Variants in CFAP77 observed in about 807,000 individuals in gnomAD.
The protein encoded by CFAP77 is cilia and flagella associated protein 77, also known as cilia- and flagella-associated protein 77.
CFAP77 carries 25 observed loss-of-function variants against 31.1 expected under a neutral mutation model. The observed-to-expected ratio is 0.80, with a 90% CI of 0.59 to 1.12. The LOEUF (loss-of-function observed/expected upper bound fraction) is 1.12. CFAP77 is among the 50% of genes most tolerant of loss of function. The pLI is 0.00. For missense variants in CFAP77, 377 were observed against 397.3 expected, an observed-to-expected ratio of 0.95 and a Z score of 0.44; for synonymous variants, 151 against 159.9, an observed-to-expected ratio of 0.94 and a Z score of 0.42.
chr9:132,558,069 G>T (rs548408880), intron 5 of CFAP77, among the ~76,000 whole-genome samples: 1 of 152,128 alleles, frequency 6.6e-6, no homozygotes, highest in African/African-American at 2.4e-5. Context: ...TGTAACAGAG[G>T]TTGGCCATCA....
intron 3 of CFAP77, among the ~76,000 whole-genome samples, chr9:132,525,946 A>T (rs1213262595): frequency 1.3e-5 from 2 of 152,094 alleles, no homozygotes; most frequent in Non-Finnish European, 2.9e-5. Context: ...ATGGAATTGG[A>T]TGTTCTTCTG....
intron 5 of CFAP77, among the ~76,000 whole-genome samples, chr9:132,550,782 C>T (rs559128688): frequency 1.1e-4 from 16 of 151,986 alleles, no homozygotes; most frequent in Non-Finnish European, 2.2e-4. Context: ...CTGGCCCCAG[C>T]GAGGTTGGTG....
Position 132,477,386 on chromosome 9 carries a change from A to C in CFAP77, c.196-21309A>C, listed in dbSNP as rs1008702600. On this transcript the variant is annotated intron_variant, in intron 1 of 5. Coordinates refer to ENST00000393216, the MANE Select transcript of CFAP77 (RefSeq NM_001282957.2). ...AGCGCAGTGAGCAAACCAGCCACCA[A>C]ACCCCATCCCACAGAGCTTGTTTTA... is the stretch of plus-strand genomic sequence containing the variant. Among the ~76,000 whole-genome samples the C allele has an allele frequency of 3.4e-3, 143 of 42,672 alleles. 1 individual carries two copies. The highest frequency in any genetic ancestry group is 0.013 in the African/African-American group (134 of 10,336). The allele number at this position is 42,672 out of a possible 152,430, so 28.0% of individuals were successfully genotyped here. A position where few individuals can be genotyped will look rare whatever the true frequency, so the allele number is the denominator to read the frequency against.
chr9:132,449,125 C>G (rs1338480234), intron 1 of CFAP77, among the ~76,000 whole-genome samples: 4 of 152,190 alleles, frequency 2.6e-5, no homozygotes, highest in African/African-American at 9.7e-5. Context: ...GTTCATGAAA[C>G]TATGATATTT....
chr9:132,568,556 CAAAAA>C (rs34754814), intron 5 of CFAP77, among the ~76,000 whole-genome samples: 1 of 90,054 alleles, frequency 1.1e-5, no homozygotes. Flanking sequence ...AACTCCGCCT[CAAAAA>C]AAAAAAAAAA....
rs1829976258 is a variant in CFAP77 at position 132,572,685 on chromosome 9, A to G, written c.*175A>G. ...TGGTAAAAGTCCCCCCTTTTAGGTT[A>G]GCCAACATTAGTCTCCACTTAGCCC... On this transcript the variant is annotated 3_prime_UTR_variant, in exon 6 of 6. Coordinates refer to ENST00000393216, the MANE Select transcript of CFAP77 (RefSeq NM_001282957.2). 14 of 644,866 alleles carry G rather than the reference A, an allele frequency of 2.2e-5. No homozygotes were observed. The highest frequency in any genetic ancestry group is 9.5e-5 in the Admixed American group (3 of 31,590). 39.9% of individuals were successfully genotyped at this position (644,866 alleles called of 1,614,324 possible). A position where few individuals can be genotyped will look rare whatever the true frequency, so the allele number is the denominator to read the frequency against.
intron 1 of CFAP77, among the ~76,000 whole-genome samples, chr9:132,425,855 G>A (rs532345128): frequency 6.6e-6 from 1 of 152,186 alleles, no homozygotes; most frequent in Non-Finnish European, 1.5e-5. Flanking sequence ...ACAGCCACAC[G>A]GTGTGTCCGT....
In CFAP77 at chr9:132,495,095, C is replaced by T. The variant is rs1325154844; in HGVS notation, c.196-3600C>T. Among the ~76,000 whole-genome samples, 2 of 152,130 alleles carry T rather than the reference C, an allele frequency of 1.3e-5. No homozygotes were observed. The highest frequency in any genetic ancestry group is 2.9e-5 in the Non-Finnish European group (2 of 68,036). On this transcript the variant is annotated intron_variant, in intron 1 of 5. Transcript: ENST00000393216. This position sits in a 1 kb window ranked among gnomAD's most constrained non-coding sequence, Gnocchi z 4.2. ...AGGGCTGTGTGTCTGATCTGTTCACCCTAGAACTTCCAGCACAGAGGGCTT... is the reference window on the plus strand; with the variant it reads ...AGGGCTGTGTGTCTGATCTGTTCACTCTAGAACTTCCAGCACAGAGGGCTT...
intron 1 of CFAP77, among the ~76,000 whole-genome samples, chr9:132,432,533 C>CTT (rs35812976): frequency 7.2e-6 from 1 of 138,904 alleles, no homozygotes. Flanking sequence ...TCCTTGGTTC[C>CTT]TTTTTTTTTT....
intron 1 of CFAP77, among the ~76,000 whole-genome samples, chr9:132,440,783 G>GTGT (rs1850602390): frequency 6.6e-6 from 1 of 152,212 alleles, no homozygotes; most frequent in South Asian, 2.1e-4. Flanking sequence ...GCTCAGAGAG[G>GTGT]TGTAGGGACT....
chr9:132,421,521 A>G (rs1353753228), intron 1 of CFAP77: 1 of 152,266 alleles, frequency 6.6e-6, no homozygotes, highest in Non-Finnish European at 1.5e-5. Flanking sequence ...TGGTAAATCA[A>G]CTTTGGGAGA....
At position 132,489,888 on chromosome 9, in the gene CFAP77, T is replaced by G. The variant is rs1730091414; in HGVS notation, c.196-8807T>G. ...CCGAGTCTCGTCAGTTTCACGGATG[T>G]CAGAGTGAGGTTACCAAACGTCCTA... is the stretch of plus-strand genomic sequence containing the variant. On this transcript the variant is annotated intron_variant, in intron 1 of 5. Coordinates refer to ENST00000393216, the MANE Select transcript of CFAP77 (RefSeq NM_001282957.2). 2.0e-5 allele frequency among the ~76,000 whole-genome samples: 3 copies of G among 152,254 alleles called. No homozygotes were observed. In the South Asian group the frequency reaches 6.2e-4, roughly 32 times the overall value.
rs146027231 is a variant in CFAP77 at position 132,424,359 on chromosome 9, G to A, written c.195+13893G>A. On this transcript the variant is annotated intron_variant, in intron 1 of 5. Transcript: ENST00000393216. This position sits in a 1 kb window ranked among gnomAD's most constrained non-coding sequence, Gnocchi z 4.1. ...AGAAGTTGCAGTGGGCTGAGATCGT[G>A]CCACTGCACTCCAGCCTGGGCGACA... Among the ~76,000 whole-genome samples the A allele has an allele frequency of 2.4e-4, 36 of 152,188 alleles. No homozygotes were observed. Among genetic ancestry groups the A allele is most frequent in the African/African-American group, 8.2e-4 (34 of 41,526 alleles).
At chr9:132,431,529 A>G (rs1435129228) in intron 1 of CFAP77, among the ~76,000 whole-genome samples, 1 of 152,220 alleles carries the variant, frequency 6.6e-6, no homozygotes, top group Admixed American at 6.5e-5. Context: ...GAATGAAAAG[A>G]TAGGACAAAA....
chr9:132,562,161 G>C (rs978591414), intron 5 of CFAP77, among the ~76,000 whole-genome samples: 3 of 152,094 alleles, frequency 2.0e-5, no homozygotes, highest in African/African-American at 7.2e-5. Flanking sequence ...CTCCAATAAG[G>C]GAAACTCATA....
At chr9:132,510,410 C>A (rs1564233930) in intron 3 of CFAP77, among the ~76,000 whole-genome samples, 1 of 152,240 alleles carries the variant, frequency 6.6e-6, no homozygotes, top group East Asian at 1.9e-4. Context: ...GCCTCCAGCT[C>A]ACAACACAAT....
chr9:132,569,668 T>C (rs1829929538), intron 5 of CFAP77, among the ~76,000 whole-genome samples: 1 of 150,764 alleles, frequency 6.6e-6, no homozygotes. Flanking sequence ...CCAGGGTGGC[T>C]GCATGCCCCC....
intron 1 of CFAP77, among the ~76,000 whole-genome samples, chr9:132,487,580 A>G (rs1851583210): frequency 6.9e-6 from 1 of 144,300 alleles, no homozygotes; most frequent in Non-Finnish European, 1.5e-5. Flanking sequence ...TATCTTTTTC[A>G]ATGCATTTTT....
chr9:132,472,242 T>C (rs982928510), intron 1 of CFAP77, among the ~76,000 whole-genome samples: 2 of 152,230 alleles, frequency 1.3e-5, no homozygotes, highest in Non-Finnish European at 2.9e-5. Flanking sequence ...CTGGATATCA[T>C]CTGTCAAATA....
Sources: allele counts gnomAD v4.1 joint callset (sites outside exome capture counted in the v4.1 genomes callset), GRCh38; gene constraint gnomAD v4.1.1; non-coding constraint Gnocchi (gnomAD v3.1); transcripts MANE v1.5; gene names NCBI Gene and HGNC (gene_info 2026-07-23, HGNC 2026-07-21).